Variants in OTOL1 observed in about 807,000 individuals in gnomAD.
The protein encoded by OTOL1 is otolin-1.
A neutral mutation model predicts 25.0 loss-of-function variants in OTOL1; 31 were observed. That is an observed-to-expected ratio of 1.24 (90% CI 0.93 to 1.67). The LOEUF (loss-of-function observed/expected upper bound fraction) is 1.67, where lower values mean the gene tolerates loss of function less well. Ranked by LOEUF, OTOL1 falls within the 40% of genes most tolerant of loss-of-function variation. The pLI, the probability that OTOL1 is intolerant of heterozygous loss-of-function variation, is 0.00. For missense variants in OTOL1, 654 were observed against 587.7 expected, an observed-to-expected ratio of 1.11 and a Z score of -1.17; for synonymous variants, 225 against 210.3, an observed-to-expected ratio of 1.07 and a Z score of -0.61.
At chr3:161,497,347 A>G (rs924821739) in intron 1 of OTOL1, among the ~76,000 whole-genome samples, 176 bp downstream of exon 1, 9 of 152,116 alleles carry the variant, frequency 5.9e-5, no homozygotes, top group Admixed American at 5.9e-4. Context: ...GTGGTAATTA[A>G]TAAATATTAA....
chr3:161,502,570 G>A (rs927969278), intron 3 of OTOL1, among the ~76,000 whole-genome samples: 7 of 152,134 alleles, frequency 4.6e-5, no homozygotes, highest in African/African-American at 1.7e-4. Context: ...TCTGTGCTCT[G>A]CTTCTCTCTC....
rs191375567 is a variant in OTOL1, at chr3:161,498,214, A to G, written c.365-957A>G. Among the ~76,000 whole-genome samples, 356 of 152,258 alleles carry G rather than the reference A, an allele frequency of 2.3e-3. 2 individuals are homozygous for G. The highest frequency in any genetic ancestry group is 7.8e-3 in the African/African-American group (323 of 41,558). On this transcript the variant is annotated intron_variant, in intron 1 of 3. Coordinates refer to ENST00000327928, the MANE Select transcript of OTOL1 (RefSeq NM_001080440.1). ...AAGCTGCTTGGCGGTGAAAATCCCA[A>G]GGGCATGGTCAAGTAGACACAGCTG...
intron 2 of OTOL1, 134 bp from the exon 3 acceptor site, chr3:161,502,173 T>TC (rs879572581): frequency 6.5e-5 from 53 of 812,610 alleles, no homozygotes; most frequent in Non-Finnish European, 9.8e-5. Context: ...TGGCGTACAT[T>TC]CTTTTTCCAC....
chr3:161,497,161 T>A lies in OTOL1; in HGVS notation c.354T>A (p.Thr118=). The A allele has an allele frequency of 6.2e-7, 1 of 1,608,860 alleles. No individual in the cohort carries two copies. Among genetic ancestry groups the A allele is most frequent in the Middle Eastern group, 1.7e-4 (1 of 5,998 alleles). Residue 118 remains threonine, a synonymous_variant, in exon 1 of 4, where the codon ACT becomes ACA. Transcript: ENST00000327928. ...VPGQKGEPGE[T]GQPGPKGEAG... ...GGCAGAAAGGAGAACCTGGAGAGACTGGACAGCCAGGTATTAGAAAATATA... is the reference window on the plus strand; with the variant it reads ...GGCAGAAAGGAGAACCTGGAGAGACAGGACAGCCAGGTATTAGAAAATATA...
intron 1 of OTOL1, among the ~76,000 whole-genome samples, chr3:161,498,234 C>G (rs912150952): frequency 3.3e-5 from 5 of 152,134 alleles, no homozygotes; most frequent in African/African-American, 7.2e-5. Context: ...CAAGTAGACA[C>G]AGCTGGTTGC....
At chr3:161,498,493 A>G (rs763320346) in intron 1 of OTOL1, among the ~76,000 whole-genome samples, 1 of 151,988 alleles carries the variant, frequency 6.6e-6, no homozygotes, top group Non-Finnish European at 1.5e-5. Context: ...TAGGGAAGCT[A>G]CTCTGCTTTG....
Position 161,503,839 on chromosome 3 carries a change from A to G in OTOL1, c.1331A>G (p.Glu444Gly), listed in dbSNP as rs1232081439. The change falls in exon 4 of 4, where the codon GAG becomes GGG. Residue 444 changes from glutamate to glycine, a missense_variant. Coordinates refer to ENST00000327928, the MANE Select transcript of OTOL1 (RefSeq NM_001080440.1). ...KLSAGDQVWL[E>G]VSKDWNGVYV... is the part of the protein sequence containing the mutation. ...AGTGCAGGAGACCAAGTCTGGCTTG[A>G]GGTGTCAAAAGATTGGAATGGGGTG... The G allele has an allele frequency of 2.5e-6, 4 of 1,613,814 alleles. No individual in the cohort carries two copies. The highest frequency in any genetic ancestry group is 3.4e-6 in the Non-Finnish European group (4 of 1,179,866).
intron 2 of OTOL1, among the ~76,000 whole-genome samples, chr3:161,499,573 TAGAG>T (rs1718921685): frequency 1.3e-5 from 2 of 152,062 alleles, no homozygotes; most frequent in Admixed American, 1.3e-4. Context: ...GGGAAGGGTA[TAGAG>T]ATACCCTTCC....
intron 1 of OTOL1, among the ~76,000 whole-genome samples, chr3:161,497,780 T>C (rs1718873475): frequency 6.6e-6 from 1 of 152,138 alleles, no homozygotes; most frequent in Non-Finnish European, 1.5e-5. Context: ...ATTTTCTCCA[T>C]TGAACACCAT....
At chr3:161,498,093 G>T (rs142718077) in intron 1 of OTOL1, among the ~76,000 whole-genome samples, 1 of 152,114 alleles carries the variant, frequency 6.6e-6, no homozygotes, top group Admixed American at 6.6e-5. Flanking sequence ...CGTAGCTTGG[G>T]TACCAAGATG....
Position 161,503,196 on chromosome 3 carries a change from G to C in OTOL1, c.688G>C (p.Gly230Arg), listed in dbSNP as rs765755184. The C allele has an allele frequency of 1.7e-5, 25 of 1,455,144 alleles. No homozygotes were observed. The African/African-American group carries it at 3.5e-4, about 20-fold the overall frequency. 90.1% of individuals were successfully genotyped at this position (1,455,144 alleles called of 1,614,324 possible). ...HGGPGAKGEK[G>R]EMGEKGEMGD... ...AGGGCCTGGCGCCAAGGGAGAGAAG[G>C]GGGAGATGGGGGAGAAGGGGGAGAT... The change falls in exon 4 of 4, where the codon GGG (glycine) becomes CGG (arginine). Residue 230 changes from glycine to arginine, a missense_variant. By Grantham distance (125) the Gly-to-Arg change is moderately radical. Transcript: ENST00000327928.
chr3:161,500,405 A>C (rs1166413377), intron 2 of OTOL1, among the ~76,000 whole-genome samples: 1 of 152,204 alleles, frequency 6.6e-6, no homozygotes, highest in Non-Finnish European at 1.5e-5. Context: ...CTGGAAATAG[A>C]AGAAAAAAAT....
intron 2 of OTOL1, 21 bp from the exon 3 acceptor site, chr3:161,502,286 T>C: frequency 1.9e-6 from 3 of 1,602,806 alleles, no homozygotes; most frequent in Non-Finnish European, 2.6e-6. Context: ...TGGTAAAAAG[T>C]TAATCTTGGT....
rs1443694481 is a variant in OTOL1, at chr3:161,497,055, C to T, written c.248C>T (p.Thr83Ile). The T allele has an allele frequency of 6.2e-7, 1 of 1,613,712 alleles. No individual in the cohort carries two copies. Among genetic ancestry groups the T allele is most frequent in the Admixed American group, 1.7e-5 (1 of 59,976 alleles). Residue 83 changes from threonine to isoleucine, a missense_variant, in exon 1 of 4, where the codon ACT becomes ATT. Thr to Ile is a moderately conservative substitution (Grantham distance 89). Transcript: ENST00000327928. ...SALDSVFGTA[T>I]LSPFENFTLD... ...TTGGATTCTGTCTTTGGCACTGCCACTCTCTCTCCCTTTGAAAACTTCACT... is the reference window on the plus strand; with the variant it reads ...TTGGATTCTGTCTTTGGCACTGCCATTCTCTCTCCCTTTGAAAACTTCACT...
In OTOL1 at chr3:161,502,324, G is replaced by A; in HGVS notation, c.472G>A (p.Gly158Arg). The A allele has an allele frequency of 1.2e-6, 2 of 1,613,288 alleles. No individual in the cohort carries two copies. Among genetic ancestry groups the A allele is most frequent in the Non-Finnish European group, 1.7e-6 (2 of 1,179,582 alleles). Residue 158 changes from glycine to arginine, a missense_variant, in exon 3 of 4, where the codon GGG (glycine) becomes AGG (arginine). By Grantham distance (125) the Gly-to-Arg change is moderately radical. Transcript: ENST00000327928. The stretch of plus-strand genomic sequence containing the variant: ...CATCTTAGGACTCAAAGGAGAACGT[G>A]GGGACCAAGGAGTTCCAGGATACCC... ...KGEKGLKGER[G>R]DQGVPGYPGK... is the part of the protein sequence containing the mutation.
Position 161,503,201 on chromosome 3 carries a change from G to T in OTOL1, c.693G>T (p.Glu231Asp). ...CTGGCGCCAAGGGAGAGAAGGGGGAGATGGGGGAGAAGGGGGAGATGGGGG... is the reference window on the plus strand; with the variant it reads ...CTGGCGCCAAGGGAGAGAAGGGGGATATGGGGGAGAAGGGGGAGATGGGGG... ...GGPGAKGEKG[E>D]MGEKGEMGDK... is the part of the protein sequence containing the mutation. The change falls in exon 4 of 4, where the codon GAG (glutamate) becomes GAT (aspartate). Residue 231 changes from glutamate to aspartate, a missense_variant. Coordinates refer to ENST00000327928, the MANE Select transcript of OTOL1 (RefSeq NM_001080440.1). 3.0e-6 allele frequency: 4 copies of T among 1,335,326 alleles called. No individual in the cohort carries two copies. The highest frequency in any genetic ancestry group is 1.5e-5 in the South Asian group (1 of 64,544). 82.7% of individuals were successfully genotyped at this position (1,335,326 alleles called of 1,614,324 possible).
chr3:161,503,871 A>G lies in OTOL1; in HGVS notation c.1363A>G (p.Ser455Gly), dbSNP rs753316968. Reference protein sequence around the residue: ...VSKDWNGVYVSAEDDSIFTGF... With the variant: ...VSKDWNGVYVGAEDDSIFTGF... ...AAAAGATTGGAATGGGGTGTATGTCAGTGCTGAGGATGACAGCATTTTTAC... is the reference window on the plus strand; with the variant it reads ...AAAAGATTGGAATGGGGTGTATGTCGGTGCTGAGGATGACAGCATTTTTAC... Residue 455 changes from serine to glycine, a missense_variant, in exon 4 of 4, where the codon AGT becomes GGT. By Grantham distance (56) the Ser-to-Gly change is moderately conservative (BLOSUM62 0). Coordinates refer to ENST00000327928, the MANE Select transcript of OTOL1 (RefSeq NM_001080440.1). 2.5e-6 allele frequency: 4 copies of G among 1,613,880 alleles called. No homozygotes were observed. The highest frequency in any genetic ancestry group is 3.4e-6 in the Non-Finnish European group (4 of 1,179,856).
chr3:161,502,521 G>A (rs561985867), intron 3 of OTOL1, among the ~76,000 whole-genome samples, 152 bp downstream of exon 3: 4 of 152,266 alleles, frequency 2.6e-5, no homozygotes, highest in East Asian at 1.9e-4. Flanking sequence ...ACTCAGTGAA[G>A]GAGAACCAGT....
At position 161,496,902 on chromosome 3, in the gene OTOL1, C is replaced by A. The variant is rs372710374; in HGVS notation, c.95C>A (p.Thr32Lys). The change falls in exon 1 of 4, where the codon ACG becomes AAG. Residue 32 changes from threonine (T) to lysine (K), a missense_variant. Transcript: ENST00000327928. ...IAKTTPHTKF[T>K]KKSEEREMPK... ...AAGACCACACCACATACCAAATTTA[C>A]GAAGAAATCTGAGGAAAGAGAGATG... The A allele has an allele frequency of 4.5e-5, 73 of 1,613,060 alleles. No homozygotes were observed. Among genetic ancestry groups the A allele is most frequent in the Non-Finnish European group, 4.7e-5 (55 of 1,179,498 alleles).
Sources: allele counts gnomAD v4.1 joint callset (sites outside exome capture counted in the v4.1 genomes callset), GRCh38; gene constraint gnomAD v4.1.1; transcripts MANE v1.5; gene names NCBI Gene and HGNC (gene_info 2026-07-23, HGNC 2026-07-21).